Variants in STEAP3 observed in about 807,000 individuals in gnomAD.
STEAP3 encodes STEAP3 metalloreductase.
STEAP3 carries 35 observed loss-of-function variants against 34.9 expected under a neutral mutation model. The observed-to-expected ratio is 1.00, with a 90% CI of 0.76 to 1.33. STEAP3 has a LOEUF of 1.33. STEAP3 is among the 40% of genes most tolerant of loss of function. STEAP3 has a pLI of 0.00. For synonymous variants in STEAP3, 281 were observed against 301.6 expected (o/e 0.93, Z 0.71); for missense variants, 652 against 667.6 (o/e 0.98, Z 0.26).
intron 3 of STEAP3, 60 bp downstream of exon 3, chr2:119,246,048 G>C (rs541378991): frequency 1.9e-6 from 3 of 1,547,746 alleles, no homozygotes; most frequent in East Asian, 2.3e-5. Context: ...AATTTTCATC[G>C]AGTGCTGCCA....
At chr2:119,244,065 C>T (rs1037780766) in intron 2 of STEAP3, among the ~76,000 whole-genome samples, 1 of 152,082 alleles carries the variant, frequency 6.6e-6, no homozygotes, top group Non-Finnish European at 1.5e-5. Context: ...GACAAAATAG[C>T]TTAGGGTTAC....
At chr2:119,234,629 C>T (rs1170418240) in intron 2 of STEAP3, among the ~76,000 whole-genome samples, 4 of 152,350 alleles carry the variant, frequency 2.6e-5, no homozygotes, top group African/African-American at 9.6e-5. Flanking sequence ...ATGCTGGGTA[C>T]ACAGCAGGTA....
intron 5 of STEAP3, among the ~76,000 whole-genome samples, chr2:119,260,325 T>C (rs1428318309): frequency 6.6e-6 from 1 of 151,714 alleles, no homozygotes; most frequent in Non-Finnish European, 1.5e-5. Flanking sequence ...TTTTTCTTTT[T>C]TTTTGAGACG....
intron 5 of STEAP3, chr2:119,257,456 G>A (rs1677806957): frequency 5.3e-6 from 8 of 1,520,902 alleles, no homozygotes; most frequent in East Asian, 5.1e-5. Flanking sequence ...GCATGCCGCA[G>A]TGTGTGGCAA....
intron 2 of STEAP3, among the ~76,000 whole-genome samples, chr2:119,232,306 C>T (rs978691737): frequency 6.6e-6 from 1 of 152,190 alleles, no homozygotes; most frequent in African/African-American, 2.4e-5. Context: ...AGAGGAGGAC[C>T]TTTAACCTGA....
rs1340909168 is a variant in STEAP3, at chr2:119,230,984, T to C, written c.-29T>C. 6.2e-7 allele frequency: 1 copy of C among 1,614,036 alleles called. No homozygotes were observed. Among genetic ancestry groups the C allele is most frequent in the East Asian group, 2.2e-5 (1 of 44,902 alleles). ...CTCACGGTGAGGCTGTCGAGTGACC[T>C]GAGAGCCTCAGACCCTCACGTCAGC... On this transcript the variant is annotated 5_prime_UTR_variant, in exon 2 of 6. Transcript: ENST00000393110.
At chr2:119,246,136 G>T in intron 3 of STEAP3, 148 bp downstream of exon 3, 1 of 1,120,484 alleles carries the variant, frequency 8.9e-7, no homozygotes, top group Non-Finnish European at 1.2e-6. Context: ...GGAAATTGTG[G>T]CTCAAAGACA....
At chr2:119,227,834 T>TTATC (rs1484940994) in intron 1 of STEAP3, among the ~76,000 whole-genome samples, 1 of 151,540 alleles carries the variant, frequency 6.6e-6, no homozygotes, top group Non-Finnish European at 1.5e-5. Flanking sequence ...ATTTATTTAT[T>TTATC]TATTTATTTT....
chr2:119,260,034 C>T (rs1010192827), intron 5 of STEAP3, among the ~76,000 whole-genome samples: 16 of 152,216 alleles, frequency 1.1e-4, no homozygotes, highest in Non-Finnish European at 2.2e-4. Context: ...ACAGATGCCC[C>T]GCCCCAAACC....
At chr2:119,244,395 C>G (rs1677344574) in intron 2 of STEAP3, 1 of 149,950 alleles carries the variant, frequency 6.7e-6, no homozygotes, top group Non-Finnish European at 1.5e-5. Context: ...TGCCACTGTG[C>G]CTGGCTAATT....
Position 119,247,805 on chromosome 2 carries a change from C to G in STEAP3, c.649C>G (p.Arg217Gly). ...CTGGGAGGTGGAGGCCATGCCCCTG[C>G]GCCTCCTCCCGGCCTGGAAGGTGCC... ...SAWEVEAMPL[R>G]LLPAWKVPTL... The change falls in exon 4 of 6, where the codon CGC becomes GGC. Residue 217 changes from arginine to glycine, a missense_variant. Transcript: ENST00000393110. 1 of 1,611,588 alleles carries G rather than the reference C, an allele frequency of 6.2e-7. No individual in the cohort carries two copies. The highest frequency in any genetic ancestry group is 8.5e-7 in the Non-Finnish European group (1 of 1,179,924).
rs575795779 is a variant in STEAP3, at chr2:119,257,735, T to C, written c.1215+2887T>C. 398 of 1,386,346 alleles carry C rather than the reference T, an allele frequency of 2.9e-4. 3 individuals carry two copies. In the Middle Eastern group the frequency reaches 0.013, roughly 46 times the overall value. 85.9% of individuals were successfully genotyped at this position (1,386,346 alleles called of 1,614,324 possible). On this transcript the variant is annotated intron_variant, in intron 5 of 5. Transcript: ENST00000393110. ...TAAAGTTAGCGTGGCTAGTGAGAAG[T>C]TACCTGAGCCCCATCACCCTCCCCT...
At position 119,263,028 on chromosome 2, in the gene STEAP3, C is replaced by G. The variant is rs370504846; in HGVS notation, c.1216-29C>G. ...TCACTGCATCTGTCATCCCCTCGCC[C>G]TCACTCCAGCCTTTTTTTCCCTCCA... On this transcript the variant is annotated intron_variant, in intron 5 of 5. Transcript: ENST00000393110. 4 of 1,595,100 alleles carry G rather than the reference C, an allele frequency of 2.5e-6. No individual in the cohort carries two copies. In the African/African-American group the frequency reaches 5.3e-5, roughly 21 times the overall value.
In STEAP3 at chr2:119,264,796, T is replaced by G. The variant is rs1678055332; in HGVS notation, c.*1458T>G. On this transcript the variant is annotated 3_prime_UTR_variant, in exon 6 of 6. Coordinates refer to ENST00000393110, the MANE Select transcript of STEAP3 (RefSeq NM_182915.3). ...CCAGAGAGAATGTCACAGATGAGGC[T>G]GCCCCTGCCCCCCCCCCGCCAGGGA... The G allele has an allele frequency of 8.1e-6, 1 of 124,182 alleles. No homozygotes were observed. The highest frequency in any genetic ancestry group is 3.5e-5 in the African/African-American group (1 of 28,826). 7.7% of individuals were successfully genotyped at this position (124,182 alleles called of 1,614,324 possible). A position where few individuals can be genotyped will look rare whatever the true frequency, so the allele number is the denominator to read the frequency against.
At chr2:119,241,183 G>A (rs1677237127) in intron 2 of STEAP3, among the ~76,000 whole-genome samples, 1 of 152,018 alleles carries the variant, frequency 6.6e-6, no homozygotes, top group Non-Finnish European at 1.5e-5. Context: ...ACAGTCTTTA[G>A]AGAGGTATAA....
intron 3 of STEAP3, chr2:119,246,503 G>A (rs115704924): frequency 0.032 from 5,037 of 155,784 alleles, 101 homozygotes; most frequent in Non-Finnish European, 0.051. Flanking sequence ...AGCTGCATAC[G>A]TTTCTTGCCA....
chr2:119,241,659 G>C (rs1301275034), intron 2 of STEAP3, among the ~76,000 whole-genome samples: 1 of 152,162 alleles, frequency 6.6e-6, no homozygotes, highest in African/African-American at 2.4e-5. Context: ...CTATGTCCCA[G>C]CGCCAGTTAG....
At chr2:119,243,362 T>TC (rs1431593843) in intron 2 of STEAP3, among the ~76,000 whole-genome samples, 1 of 152,164 alleles carries the variant, frequency 6.6e-6, no homozygotes, top group Non-Finnish European at 1.5e-5. Flanking sequence ...TCTGGAAAGC[T>TC]CATTGTTCTC....
intron 2 of STEAP3, among the ~76,000 whole-genome samples, chr2:119,243,448 A>G (rs777077512): frequency 4.2e-4 from 64 of 152,148 alleles, no homozygotes; most frequent in Non-Finnish European, 3.4e-4. Context: ...CCTCCCCTCA[A>G]TTATTTGTGC....
Sources: gnomAD v4.1 joint callset for allele counts (sites outside exome capture counted in the v4.1 genomes callset) on GRCh38, gnomAD v4.1.1 for gene constraint, MANE v1.5 for transcripts, NCBI Gene and HGNC (gene_info 2026-07-23, HGNC 2026-07-21) for gene names.